Variants in PTGES3L observed in about 807,000 individuals in gnomAD.
The protein encoded by PTGES3L is putative protein PTGES3L.
A neutral mutation model predicts 25.0 loss-of-function variants in PTGES3L; 17 were observed. The observed-to-expected ratio is 0.68, with a 90% CI of 0.47 to 1.02. The LOEUF (loss-of-function observed/expected upper bound fraction) is 1.02, where lower values mean the gene tolerates loss of function less well. Among genes scored for constraint, PTGES3L ranks in the 50% least tolerant of loss-of-function variants. PTGES3L has a pLI of 0.00. For missense variants in PTGES3L, 202 were observed against 197.5 expected (o/e 1.02, Z -0.14); for synonymous variants, 59 against 65.7 (o/e 0.90, Z 0.50).
intron 4 of PTGES3L, among the ~76,000 whole-genome samples, chr17:42,974,445 A>T (rs1383734896): frequency 6.6e-6 from 1 of 151,828 alleles, no homozygotes; most frequent in Non-Finnish European, 1.5e-5. Flanking sequence ...TTCCACATTT[A>T]TACAGGGAAG....
At chr17:42,972,952 T>C (rs1010249404) in intron 4 of PTGES3L, among the ~76,000 whole-genome samples, 1 of 141,230 alleles carries the variant, frequency 7.1e-6, no homozygotes, top group Non-Finnish European at 1.5e-5. Flanking sequence ...GTCTGAGATG[T>C]GGGGAGCACC....
chr17:42,977,977 C>T (rs1487348907), intron 4 of PTGES3L, among the ~76,000 whole-genome samples: 1 of 137,466 alleles, frequency 7.3e-6, no homozygotes, highest in African/African-American at 2.7e-5. Context: ...ACTCGGGAGA[C>T]TGAGGCAGGA....
chr17:42,975,167 C>G (rs551684062), intron 4 of PTGES3L, among the ~76,000 whole-genome samples: 2 of 143,768 alleles, frequency 1.4e-5, no homozygotes, highest in African/African-American at 5.1e-5. Flanking sequence ...GGTCAACACA[C>G]TGTCCCAGCC....
rs1490786473 is a variant in PTGES3L at position 42,970,676 on chromosome 17, G to GCGCGCACACACACA, written c.379-335_379-334insTGTGTGTGTGCGCG. On this transcript the variant is annotated intron_variant, in intron 5 of 6. Coordinates refer to ENST00000591916, the MANE Select transcript of PTGES3L (RefSeq NM_001261430.2). ...CATGAAGTTGTCTGGCTTAACACGCGCACACACACACACACACACACACAC... is the reference window on the plus strand; with the variant it reads ...CATGAAGTTGTCTGGCTTAACACGCGCGCGCACACACACACACACACACACACACACACACACAC... Among the ~76,000 whole-genome samples, 52 of 144,188 alleles carry GCGCGCACACACACA rather than the reference G, an allele frequency of 3.6e-4. 1 individual carries two copies. Among genetic ancestry groups the GCGCGCACACACACA allele is most frequent in the African/African-American group, 1.3e-3 (51 of 37,946 alleles). 94.6% of individuals were successfully genotyped at this position (144,188 alleles called of 152,430 possible).
rs1162730103 is a variant in PTGES3L at position 42,979,151 on chromosome 17, C to G, written c.288+19G>C. On this transcript the variant is annotated intron_variant, in intron 4 of 6. Transcript: ENST00000591916. ...TGGGTACATGGAGAGAAGAAGCAGG[C>G]CACTTTCCACACACCCACCTTGATA... The G allele has an allele frequency of 3.7e-6, 6 of 1,614,080 alleles. No individual in the cohort carries two copies. Among genetic ancestry groups the G allele is most frequent in the Non-Finnish European group, 5.1e-6 (6 of 1,179,960 alleles).
At chr17:42,979,822 G>T in intron 1 of PTGES3L, 159 bp from the exon 2 acceptor site, 1 of 1,406,516 alleles carries the variant, frequency 7.1e-7, no homozygotes, top group Non-Finnish European at 9.5e-7. Flanking sequence ...AGGAGTGGGT[G>T]GGTGTGGTGA....
rs1280460574 is a variant in PTGES3L at position 42,970,353 on chromosome 17, GA to G, written c.379-12del. ...GACCTTCTTCAAAAGCTAGTGGGAA[GA>G]AAAAATAATCACAAGGGAGAAGGGA... On this transcript the variant is annotated splice_polypyrimidine_tract_variant and intron_variant, in intron 5 of 6. Transcript: ENST00000591916. 2 of 1,613,356 alleles carry G rather than the reference GA, an allele frequency of 1.2e-6. No individual in the cohort carries two copies. Among genetic ancestry groups the G allele is most frequent in the Admixed American group, 1.7e-5 (1 of 59,854 alleles).
chr17:42,979,953 G>C, intron 1 of PTGES3L, 93 bp downstream of exon 1: 1 of 1,465,408 alleles, frequency 6.8e-7, no homozygotes, highest in Non-Finnish European at 9.0e-7. Flanking sequence ...GGCTCCCGTG[G>C]GGCCTCACAG....
rs760614389 is a variant in PTGES3L, at chr17:42,979,560, T to C, written c.112A>G (p.Ile38Val). The stretch of plus-strand genomic sequence containing the variant: ...CGGCAGGGCCACTACCTGAACACAA[T>C]GCGGTGATCCTCAATAAGCACGTGG... Reference protein sequence around the residue: ...DVHVLIEDHRIVFSCKNADGV... With the variant: ...DVHVLIEDHRVVFSCKNADGV... Residue 38 changes from isoleucine (I) to valine (V), a missense_variant, in exon 2 of 7, where the codon ATT becomes GTT. Coordinates refer to ENST00000591916, the MANE Select transcript of PTGES3L (RefSeq NM_001261430.2). The C allele has an allele frequency of 6.2e-7, 1 of 1,614,038 alleles. No individual in the cohort carries two copies. Among genetic ancestry groups the C allele is most frequent in the Non-Finnish European group, 8.5e-7 (1 of 1,179,986 alleles).
intron 4 of PTGES3L, among the ~76,000 whole-genome samples, chr17:42,972,867 A>G (rs1440080447): frequency 7.2e-6 from 1 of 138,158 alleles, no homozygotes; most frequent in Non-Finnish European, 1.6e-5. Flanking sequence ...CATCCCATCT[A>G]GGAAGTGAGG....
Position 42,969,009 on chromosome 17 carries a change from TAAAG to T in PTGES3L, c.*135_*138del. The T allele has an allele frequency of 1.6e-6, 1 of 622,446 alleles. No individual in the cohort carries two copies. The highest frequency in any genetic ancestry group is 2.2e-5 in the South Asian group (1 of 45,520). The allele number at this position is 622,446 out of a possible 1,614,324, so 38.6% of individuals were successfully genotyped here. A position where few individuals can be genotyped will look rare whatever the true frequency, so the allele number is the denominator to read the frequency against. ...GACAAGCTTGAAGGACGACCCTTAA[TAAAG>T]AGCTTCTAGGAAAGTTCAGAGATCT... On this transcript the variant is annotated 3_prime_UTR_variant, in exon 7 of 7. Transcript: ENST00000591916.
At chr17:42,973,210 G>C (rs865865515) in intron 4 of PTGES3L, among the ~76,000 whole-genome samples, 3 of 121,924 alleles carry the variant, frequency 2.5e-5, no homozygotes, top group Non-Finnish European at 5.4e-5. Context: ...TCAGCCCCCC[G>C]CCCGGCCAGC....
At chr17:42,975,905 C>A (rs775083727) in intron 4 of PTGES3L, among the ~76,000 whole-genome samples, 15 of 151,718 alleles carry the variant, frequency 9.9e-5, no homozygotes, top group Non-Finnish European at 1.9e-4. Context: ...TCAAATTCCC[C>A]ACCTTGTGAT....
chr17:42,977,654 A>G, intron 4 of PTGES3L, among the ~76,000 whole-genome samples: 3 of 136,984 alleles, frequency 2.2e-5, no homozygotes, highest in African/African-American at 5.8e-5. Context: ...AGAGAGGGGG[A>G]GGGAGGAAGG....
chr17:42,978,636 G>A (rs1456012650), intron 4 of PTGES3L, among the ~76,000 whole-genome samples: 1 of 152,222 alleles, frequency 6.6e-6, no homozygotes, highest in Non-Finnish European at 1.5e-5. Flanking sequence ...GATAGATGCA[G>A]CAAACCACCA....
chr17:42,969,098 AC>A lies in PTGES3L; in HGVS notation c.*49del, dbSNP rs766418990. 1.4e-5 allele frequency: 20 copies of A among 1,451,120 alleles called. No individual in the cohort carries two copies. Among genetic ancestry groups the A allele is most frequent in the Non-Finnish European group, 1.9e-5 (20 of 1,056,758 alleles). The allele number at this position is 1,451,120 out of a possible 1,614,324, so 89.9% of individuals were successfully genotyped here. On this transcript the variant is annotated 3_prime_UTR_variant, in exon 7 of 7. Coordinates refer to ENST00000591916, the MANE Select transcript of PTGES3L (RefSeq NM_001261430.2). ...AAGGCCTAGGCGCTAGCTTTCTAGA[AC>A]AACTGGAAAATAGCCACAGCTGCCT... is the stretch of plus-strand genomic sequence containing the variant.
chr17:42,974,589 A>G (rs1338329406), intron 4 of PTGES3L, among the ~76,000 whole-genome samples: 2 of 151,890 alleles, frequency 1.3e-5, no homozygotes, highest in African/African-American at 4.8e-5. Flanking sequence ...CCTGGCCAAC[A>G]TGGTGAAACC....
intron 6 of PTGES3L, 59 bp downstream of exon 6, chr17:42,970,230 G>A (rs1371339795): frequency 6.2e-7 from 1 of 1,603,294 alleles, no homozygotes. Flanking sequence ...GAGCTCTCTA[G>A]TGGGTTGTTT....
chr17:42,975,123 G>A (rs1461605033), intron 4 of PTGES3L, among the ~76,000 whole-genome samples: 2 of 102,752 alleles, frequency 1.9e-5, no homozygotes, highest in East Asian at 5.9e-4. Context: ...GTAACAGTAC[G>A]ACATCCTGTC....
Sources: gnomAD v4.1 joint callset for allele counts (sites outside exome capture counted in the v4.1 genomes callset) on GRCh38, gnomAD v4.1.1 for gene constraint, MANE v1.5 for transcripts, NCBI Gene and HGNC (gene_info 2026-07-23, HGNC 2026-07-21) for gene names.